UIMC1: variants seen among roughly 807,000 people sequenced by gnomAD.
UIMC1 encodes ubiquitin interaction motif containing 1.
UIMC1 carries 42 observed loss-of-function variants against 84.9 expected under a neutral mutation model. That is an observed-to-expected ratio of 0.49 (90% CI 0.39 to 0.64). The LOEUF (loss-of-function observed/expected upper bound fraction) is 0.64. UIMC1 is among the 30% of genes least tolerant of loss of function. The pLI is 0.00. For missense variants in UIMC1, 825 were observed against 847.6 expected, an observed-to-expected ratio of 0.97 and a Z score of 0.33; for synonymous variants, 281 against 293.0, an observed-to-expected ratio of 0.96 and a Z score of 0.42.
intron 9 of UIMC1, among the ~76,000 whole-genome samples, chr5:176,950,647 A>T (rs1315027764): frequency 1.3e-5 from 2 of 151,962 alleles, no homozygotes; most frequent in African/African-American, 4.8e-5. Context: ...AGGTGGGCAG[A>T]TCACTTGAGG....
In UIMC1 at chr5:176,969,162, G is replaced by A; in HGVS notation, c.593C>T (p.Ser198Leu). 1.9e-6 allele frequency: 3 copies of A among 1,614,184 alleles called. 1 individual carries two copies. The South Asian group carries it at 3.3e-5, about 18-fold the overall frequency. The part of the protein sequence containing the change: ...KTEEEPVSGS[S>L]GSWDQSSQPV... ...CTGGCTTGACTGGTCCCAGCTTCCT[G>A]AGCTGCCAGAGACCGGCTCCTCTTC... Residue 198 changes from serine to leucine, a missense_variant, in exon 6 of 15, where the codon TCA becomes TTA. Transcript: ENST00000511320.
intron 1 of UIMC1, among the ~76,000 whole-genome samples, chr5:176,999,351 A>G (rs781722670): frequency 1.3e-5 from 2 of 152,160 alleles, no homozygotes; most frequent in Non-Finnish European, 2.9e-5. Context: ...ACAATATGTA[A>G]TAGTCAGATC....
chr5:177,020,216 C>T (rs1775758786), intron 1 of UIMC1, among the ~76,000 whole-genome samples: 1 of 152,184 alleles, frequency 6.6e-6, no homozygotes, highest in Non-Finnish European at 1.5e-5. Context: ...ACACATCATG[C>T]TCTCTCCTGC....
At position 176,958,302 on chromosome 5, in the gene UIMC1, A is replaced by G. The variant is rs577293207; in HGVS notation, c.1201-148T>C. 2.9e-4 allele frequency: 171 copies of G among 581,064 alleles called. No individual in the cohort carries two copies. The African/African-American group carries it at 3.0e-3, about 10-fold the overall frequency. 36.0% of individuals were successfully genotyped at this position (581,064 alleles called of 1,614,324 possible). On this transcript the variant is annotated intron_variant, in intron 6 of 14. Coordinates refer to ENST00000511320, the MANE Select transcript of UIMC1 (RefSeq NM_001199298.2). The stretch of plus-strand genomic sequence containing the variant: ...TTTCCATAAGCCAGTAAGTGTCAAT[A>G]AAACAAGCACATCCTGTAAAGTCAG...
At chr5:176,955,846 T>C (rs1210146089) in intron 8 of UIMC1, 113 bp downstream of exon 8, 3 of 932,676 alleles carry the variant, frequency 3.2e-6, no homozygotes, top group Non-Finnish European at 5.0e-6. Flanking sequence ...CATACACGTA[T>C]CAATTACATA....
intron 3 of UIMC1, among the ~76,000 whole-genome samples, chr5:176,974,796 A>G (rs1769804044): frequency 6.6e-6 from 1 of 151,970 alleles, no homozygotes; most frequent in Non-Finnish European, 1.5e-5. Context: ...CGGGTGACAG[A>G]GCACGATGCT....
intron 9 of UIMC1, among the ~76,000 whole-genome samples, chr5:176,949,836 C>T (rs1765618715): frequency 6.6e-6 from 1 of 152,056 alleles, no homozygotes; most frequent in Admixed American, 6.5e-5. Flanking sequence ...TAGTGGATCA[C>T]CTGAGGTCAG....
At chr5:176,932,233 T>C (rs563114398) in intron 10 of UIMC1, among the ~76,000 whole-genome samples, 3 of 152,358 alleles carry the variant, frequency 2.0e-5, no homozygotes, top group South Asian at 2.1e-4. Flanking sequence ...ATCTACTTTA[T>C]AGCTGATAAG....
intron 6 of UIMC1, among the ~76,000 whole-genome samples, chr5:176,968,297 G>A (rs1427866025): frequency 1.3e-5 from 2 of 151,884 alleles, no homozygotes; most frequent in African/African-American, 4.8e-5. Context: ...GCTTGAACCC[G>A]GGAGGTGGAG....
chr5:176,940,734 TA>T lies in UIMC1; in HGVS notation c.1597+2600del, dbSNP rs541967815. On this transcript the variant is annotated intron_variant, in intron 10 of 14. Coordinates refer to ENST00000511320, the MANE Select transcript of UIMC1 (RefSeq NM_001199298.2). ...CTACAATGCTATGCATAGAGACCCT[TA>T]AAAAAAAATCTCTGACATAGTAATT... Among the ~76,000 whole-genome samples, 1,394 of 151,796 alleles carry T rather than the reference TA, an allele frequency of 9.2e-3. 8 individuals carry two copies. Among genetic ancestry groups the T allele is most frequent in the South Asian group, 0.025 (121 of 4,798 alleles).
intron 1 of UIMC1, among the ~76,000 whole-genome samples, chr5:177,011,895 G>T (rs1272122196): frequency 6.6e-6 from 1 of 151,956 alleles, no homozygotes. Flanking sequence ...CTGCCTCCTG[G>T]GTTCACACCA....
chr5:176,945,984 C>T (rs1345180370), intron 9 of UIMC1, among the ~76,000 whole-genome samples: 1 of 152,178 alleles, frequency 6.6e-6, no homozygotes, highest in Admixed American at 6.5e-5. Flanking sequence ...ATGTACTGTA[C>T]TTCTACATAC....
chr5:176,911,810 A>G (rs1415838269), intron 10 of UIMC1, among the ~76,000 whole-genome samples: 1 of 152,178 alleles, frequency 6.6e-6, no homozygotes, highest in Non-Finnish European at 1.5e-5. Context: ...ATGAGCTCCA[A>G]TCTTTACAAA....
intron 6 of UIMC1, among the ~76,000 whole-genome samples, chr5:176,958,582 G>C (rs1213915972): frequency 6.6e-6 from 1 of 152,152 alleles, no homozygotes; most frequent in Non-Finnish European, 1.5e-5. Flanking sequence ...AAAATATAGA[G>C]AAAAGTTCAA....
chr5:176,983,804 G>A (rs562067940), intron 1 of UIMC1, among the ~76,000 whole-genome samples: 33 of 144,494 alleles, frequency 2.3e-4, no homozygotes, highest in South Asian at 1.2e-3. Flanking sequence ...CTGCCTGGCC[G>A]CCCATCGTCT....
chr5:176,973,509 G>T (rs2149490105), intron 3 of UIMC1, among the ~76,000 whole-genome samples: 1 of 151,026 alleles, frequency 6.6e-6, no homozygotes, highest in South Asian at 2.1e-4. Flanking sequence ...AAGTCCAGGT[G>T]GTCGAAGCTG....
rs1415441906 is a variant in UIMC1, at chr5:176,914,937, AG to A, written c.1598-3549del. ...GAGGACTTCATGAGAGATTTTATCA[AG>A]TGCCTTGCTAAAATCCATTCTTAAA... On this transcript the variant is annotated intron_variant, in intron 10 of 14. Coordinates refer to ENST00000511320, the MANE Select transcript of UIMC1 (RefSeq NM_001199298.2). Among the ~76,000 whole-genome samples the A allele has an allele frequency of 4.6e-5, 7 of 152,354 alleles. No homozygotes were observed. The South Asian group carries it at 1.2e-3, about 27-fold the overall frequency.
intron 1 of UIMC1, chr5:177,006,151 G>C (rs2149549902): frequency 6.6e-6 from 1 of 152,354 alleles, no homozygotes; most frequent in African/African-American, 2.4e-5. Flanking sequence ...CTCGCCCGAC[G>C]CCCGGGAGGA....
At position 177,002,729 on chromosome 5, in the gene UIMC1, C is replaced by T. The variant is rs150964285; in HGVS notation, c.-9+3921G>A. Among the ~76,000 whole-genome samples, 922 of 152,080 alleles carry T rather than the reference C, an allele frequency of 6.1e-3. 11 individuals are homozygous for T. Among genetic ancestry groups the T allele is most frequent in the African/African-American group, 0.019 (784 of 41,514 alleles). ...AGGAGAATGGCATGAACCCAGGAGG[C>T]GGAGCTTGCAGTGAGCGGAGATCGT... On this transcript the variant is annotated intron_variant, in intron 1 of 14. Transcript: ENST00000511320.
Sources: gnomAD v4.1 joint callset for allele counts (sites outside exome capture counted in the v4.1 genomes callset) on GRCh38, gnomAD v4.1.1 for gene constraint, MANE v1.5 for transcripts, NCBI Gene and HGNC (gene_info 2026-07-23, HGNC 2026-07-21) for gene names.